The following BRD9 variants were observed in gnomAD, a reference collection of about 807,000 sequenced individuals.
BRD9 encodes the protein bromodomain containing 9.
In BRD9, 47 loss-of-function variants were observed where a neutral mutation model predicts 68.7. The ratio of observed to expected loss-of-function variants is 0.68; its 90% confidence interval spans 0.54 to 0.87. The LOEUF (loss-of-function observed/expected upper bound fraction) is 0.87, where lower values mean the gene tolerates loss of function less well. Among genes scored for constraint, BRD9 ranks in the 40% least tolerant of loss-of-function variants. The probability of loss-of-function intolerance (pLI) is 0.00; values close to 1 mark genes in which losing one functional copy is unlikely to be tolerated. For missense variants in BRD9, 670 were observed against 748.4 expected (o/e 0.90, Z 1.22); for synonymous variants, 313 against 293.9 (o/e 1.06, Z -0.67).
chr5:864,982 C>A (rs1749140414), intron 15 of BRD9, among the ~76,000 whole-genome samples: 1 of 152,160 alleles, frequency 6.6e-6, no homozygotes, highest in South Asian at 2.1e-4. Flanking sequence ...ATGGTTGCAG[C>A]TAAACCTCTG....
rs1753317075 is a variant in BRD9, at chr5:891,162, T to A, written c.393A>T (p.Thr131=). ...CTAAAAGTGCACCCTTGCCTGGCTG[T>A]GTCCGGCACGCTCGGACTGGCCGAT... ...PPDRPVRACR[T]QPAENESTPI... is the part of the protein sequence containing the mutation. Residue 131 remains threonine, a synonymous_variant, in exon 3 of 16, where the codon ACA becomes ACT. Coordinates refer to ENST00000467963, the MANE Select transcript of BRD9 (RefSeq NM_023924.5). 2 of 1,550,564 alleles carry A rather than the reference T, an allele frequency of 1.3e-6. No individual in the cohort carries two copies. Among genetic ancestry groups the A allele is most frequent in the Admixed American group, 2.0e-5 (1 of 50,890 alleles).
intron 5 of BRD9, 43 bp from the exon 6 acceptor site, chr5:887,514 C>T: frequency 6.9e-7 from 1 of 1,444,024 alleles, no homozygotes; most frequent in South Asian, 1.1e-5. Context: ...TGAAATGCCA[C>T]AGACAACAGC....
chr5:890,324 C>T (rs1580014208), intron 3 of BRD9, among the ~76,000 whole-genome samples: 2 of 152,278 alleles, frequency 1.3e-5, no homozygotes, highest in South Asian at 2.1e-4. Context: ...CCTGAATGAT[C>T]GCAGCACTAG....
chr5:869,109 C>A, intron 14 of BRD9: 1 of 300,320 alleles, frequency 3.3e-6, no homozygotes, highest in Non-Finnish European at 6.5e-6. Flanking sequence ...TCACAGAAGT[C>A]AGGGAAACAT....
At chr5:883,226 G>A (rs753795636) in intron 8 of BRD9, 6 of 430,218 alleles carry the variant, frequency 1.4e-5, no homozygotes, top group South Asian at 8.4e-5. Context: ...CCCATCCCAT[G>A]TGCATTTTGA....
chr5:883,893 T>C, intron 8 of BRD9, 45 bp downstream of exon 8: 2 of 1,595,218 alleles, frequency 1.3e-6, no homozygotes, highest in Admixed American at 3.4e-5. Context: ...ACACAGAGAG[T>C]CTGGGGCCAC....
At chr5:890,521 A>G (rs1753204202) in intron 3 of BRD9, among the ~76,000 whole-genome samples, 2 of 152,234 alleles carry the variant, frequency 1.3e-5, no homozygotes, top group Non-Finnish European at 2.9e-5. Flanking sequence ...AGTCCTTGTC[A>G]ACTGGAAATT....
intron 14 of BRD9, chr5:866,510 G>C (rs2150548568): frequency 6.6e-6 from 1 of 152,382 alleles, no homozygotes; most frequent in African/African-American, 2.4e-5. Flanking sequence ...GGAAAGTTTG[G>C]AACTACCTAG....
chr5:890,374 C>T (rs1377361577), intron 3 of BRD9, among the ~76,000 whole-genome samples: 1 of 152,154 alleles, frequency 6.6e-6, no homozygotes, highest in African/African-American at 2.4e-5. Context: ...AAAGCCCAGC[C>T]GTCTGTTTCC....
Position 865,556 on chromosome 5 carries a change from AG to A in BRD9, c.1550del (p.Pro517LeufsTer6). On this transcript the variant is annotated frameshift_variant, in exon 15 of 16. Coordinates refer to ENST00000467963, the MANE Select transcript of BRD9 (RefSeq NM_023924.5). LOFTEE classifies it high-confidence loss of function. The stretch of plus-strand genomic sequence containing the variant: ...CATCCAAGTTCAAATGGCTGTCGTC[AG>A]GGTCCAGCTCCTTCTTCACCTTCCC... ...SLGKVKKELD[P>X]DDSHLNLDET... 5 of 1,603,552 alleles carry A rather than the reference AG, an allele frequency of 3.1e-6. No homozygotes were observed. The highest frequency in any genetic ancestry group is 4.2e-6 in the Non-Finnish European group (5 of 1,178,218).
At chr5:874,722 T>C (rs1750650563) in intron 12 of BRD9, among the ~76,000 whole-genome samples, 1 of 152,088 alleles carries the variant, frequency 6.6e-6, no homozygotes, top group Non-Finnish European at 1.5e-5. Context: ...AAGCAGCAAA[T>C]GGAGCCCAAG....
rs1255490768 is a variant in BRD9 at position 865,499 on chromosome 5, T to A, written c.1608A>T (p.Glu536Asp). 3 of 1,607,646 alleles carry A rather than the reference T, an allele frequency of 1.9e-6. No homozygotes were observed. The highest frequency in any genetic ancestry group is 2.5e-6 in the Non-Finnish European group (3 of 1,178,358). ...ETTKLLQDLH[E>D]AQAERGGSRP... ...GAGAGCCGCCGCGCTCCGCCTGTGCTTCGTGCAGGTCCTGCAGGAGCTTCG... is the reference window on the plus strand; with the variant it reads ...GAGAGCCGCCGCGCTCCGCCTGTGCATCGTGCAGGTCCTGCAGGAGCTTCG... Residue 536 changes from glutamate (E) to aspartate (D), a missense_variant, in exon 15 of 16, where the codon GAA becomes GAT. By Grantham distance (45) the Glu-to-Asp change is conservative. Coordinates refer to ENST00000467963, the MANE Select transcript of BRD9 (RefSeq NM_023924.5).
chr5:877,518 T>C (rs1378590714), intron 11 of BRD9, among the ~76,000 whole-genome samples: 1 of 152,222 alleles, frequency 6.6e-6, no homozygotes, highest in Non-Finnish European at 1.5e-5. Flanking sequence ...CAAGATGCCA[T>C]TTCTTAAAGG....
rs1477778050 is a variant in BRD9, at chr5:870,465, C to A, written c.1525+8G>T. The stretch of plus-strand genomic sequence containing the variant: ...AGGTGCTGTGGGAAAGTGCCTGTTA[C>A]AACTCACCCAGAGAGCTGAGCATGG... On this transcript the variant is annotated splice_region_variant and intron_variant, in intron 14 of 15. Coordinates refer to ENST00000467963, the MANE Select transcript of BRD9 (RefSeq NM_023924.5). 2 of 1,609,416 alleles carry A rather than the reference C, an allele frequency of 1.2e-6. No homozygotes were observed. The highest frequency in any genetic ancestry group is 2.2e-5 in the East Asian group (1 of 44,858).
intron 12 of BRD9, 28 bp downstream of exon 12, chr5:876,070 GCCC>G (rs779890837): frequency 2.0e-6 from 3 of 1,528,612 alleles, no homozygotes; most frequent in East Asian, 4.5e-5. Context: ...AAGGGCACCT[GCCC>G]CCCAACCCCG....
At chr5:881,222 G>C in intron 8 of BRD9, 40 bp from the exon 9 acceptor site, 1 of 1,585,258 alleles carries the variant, frequency 6.3e-7, no homozygotes, top group Non-Finnish European at 8.7e-7. Context: ...CCCTCAGGAG[G>C]GGCAGCGCAG....
intron 10 of BRD9, chr5:878,826 G>A: frequency 3.1e-6 from 1 of 327,510 alleles, no homozygotes; most frequent in Middle Eastern, 8.2e-4. Flanking sequence ...ACACCGCAGG[G>A]ACCACGCCTG....
intron 11 of BRD9, among the ~76,000 whole-genome samples, chr5:876,999 G>A (rs538811722): frequency 2.0e-5 from 3 of 152,382 alleles, no homozygotes; most frequent in Admixed American, 2.0e-4. Flanking sequence ...CTCATGCCAG[G>A]CCCTAGGAGA....
In BRD9 at chr5:891,792, C is replaced by G; in HGVS notation, c.115G>C (p.Val39Leu). ...KLVLKVGGSEVTELSGSGHDS... is the reference protein window; with the variant it reads ...KLVLKVGGSELTELSGSGHDS... ...TGGCCGGATCCTGAGAGTTCAGTCA[C>G]TTCACTTCCTCCGACCTTCAGGACT... is the stretch of plus-strand genomic sequence containing the variant. The change falls in exon 2 of 16, where the codon GTG becomes CTG. Residue 39 changes from valine (V) to leucine (L), a missense_variant. Val to Leu is a conservative substitution (Grantham distance 32). Coordinates refer to ENST00000467963, the MANE Select transcript of BRD9 (RefSeq NM_023924.5). 6.4e-7 allele frequency: 1 copy of G among 1,551,690 alleles called. No homozygotes were observed.
Sources: gnomAD v4.1 joint callset for allele counts (sites outside exome capture counted in the v4.1 genomes callset) on GRCh38, gnomAD v4.1.1 for gene constraint, MANE v1.5 for transcripts, NCBI Gene and HGNC (gene_info 2026-07-23, HGNC 2026-07-21) for gene names.